The following PDE4D variants were observed in gnomAD, a reference collection of about 807,000 sequenced individuals.
PDE4D encodes 3',5'-cyclic-AMP phosphodiesterase 4D.
A neutral mutation model predicts 87.4 loss-of-function variants in PDE4D; 24 were observed. That is an observed-to-expected ratio of 0.27 (90% confidence interval 0.20 to 0.39). The LOEUF (loss-of-function observed/expected upper bound fraction) is 0.39. Among genes scored for constraint, PDE4D ranks in the 10% least tolerant of loss-of-function variants. PDE4D has a pLI of 1.00. For missense variants in PDE4D, 714 were observed against 1,041.0 expected, an observed-to-expected ratio of 0.69 and a Z score of 4.32; for synonymous variants, 384 against 383.2, an observed-to-expected ratio of 1.00 and a Z score of -0.02.
intron 1 of PDE4D, among the ~76,000 whole-genome samples, chr5:60,369,392 C>A (rs1227979082): frequency 6.6e-6 from 1 of 152,116 alleles, no homozygotes; most frequent in Non-Finnish European, 1.5e-5. Context: ...ACTTCCACGT[C>A]TTTATTTCCC....
chr5:60,334,673 C>T (rs1444765213), intron 1 of PDE4D, among the ~76,000 whole-genome samples: 1 of 151,686 alleles, frequency 6.6e-6, no homozygotes, highest in Non-Finnish European at 1.5e-5. Context: ...AGCCACTGCC[C>T]CCGAGAGCTG....
At chr5:59,631,539 G>A (rs1442217905) in intron 1 of PDE4D, among the ~76,000 whole-genome samples, 1 of 152,056 alleles carries the variant, frequency 6.6e-6, no homozygotes, top group East Asian at 1.9e-4. Flanking sequence ...ATTTCCAACT[G>A]AGGTACCCAG....
intron 1 of PDE4D, among the ~76,000 whole-genome samples, chr5:59,790,535 G>C (rs1765665085): frequency 6.6e-6 from 1 of 152,170 alleles, no homozygotes; most frequent in Non-Finnish European, 1.5e-5. Flanking sequence ...GTGCTCTGAT[G>C]CCCAAAGTGA....
At chr5:59,715,736 C>A (rs538693897) in intron 1 of PDE4D, among the ~76,000 whole-genome samples, 1 of 152,186 alleles carries the variant, frequency 6.6e-6, no homozygotes, top group Non-Finnish European at 1.5e-5. Context: ...AGGATGGAAA[C>A]GGATGGTAAC....
chr5:59,136,027 T>TAAA lies in PDE4D; in HGVS notation c.808+44565_808+44567dup, dbSNP rs35078554. Among the ~76,000 whole-genome samples, 1,973 of 149,362 alleles carry TAAA rather than the reference T, an allele frequency of 0.013. 273 individuals carry two copies. In the East Asian group the frequency reaches 0.32, roughly 24 times the overall value. On this transcript the variant is annotated intron_variant, in intron 5 of 14. Transcript: ENST00000340635. Reference sequence around the variant, plus strand: ...TCAAATATTTTAAAAGACTAAATGATAAAAAAAAAAAACCCTAAACAAATT... The same window carrying TAAA: ...TCAAATATTTTAAAAGACTAAATGATAAAAAAAAAAAAAAACCCTAAACAAATT...
At chr5:59,520,581 G>A (rs945529956) in intron 1 of PDE4D, among the ~76,000 whole-genome samples, 45 of 152,036 alleles carry the variant, frequency 3.0e-4, no homozygotes, top group Non-Finnish European at 4.6e-4. Context: ...TGGATTTCAC[G>A]TGAAAGAAGT....
chr5:59,974,763 T>C (rs1761132154), intron 3 of PDE4D, among the ~76,000 whole-genome samples: 1 of 152,198 alleles, frequency 6.6e-6, no homozygotes, highest in Non-Finnish European at 1.5e-5. Context: ...CCCTGTGTTC[T>C]TTCAACTTCT....
intron 5 of PDE4D, among the ~76,000 whole-genome samples, chr5:59,072,093 T>C (rs753901878): frequency 3.3e-5 from 5 of 152,228 alleles, no homozygotes; most frequent in Non-Finnish European, 7.3e-5. Context: ...TATTTAAGGC[T>C]AGAGTACTAA....
At chr5:59,628,755 C>T (rs1057451890) in intron 1 of PDE4D, among the ~76,000 whole-genome samples, 2 of 152,128 alleles carry the variant, frequency 1.3e-5, no homozygotes, top group African/African-American at 4.8e-5. Context: ...GGGCAAGGGA[C>T]TGTGTGTGCT....
chr5:59,811,542 A>G (rs765044475), intron 1 of PDE4D, among the ~76,000 whole-genome samples: 10 of 152,202 alleles, frequency 6.6e-5, no homozygotes, highest in Non-Finnish European at 1.2e-4. Flanking sequence ...AAATGATTTC[A>G]TGTCCTACTT....
chr5:59,168,273 T>C (rs577374115), intron 5 of PDE4D, among the ~76,000 whole-genome samples: 30 of 152,300 alleles, frequency 2.0e-4, no homozygotes, highest in African/African-American at 6.5e-4. Context: ...TTCCCAGTAG[T>C]TGGGGCCTGC....
intron 1 of PDE4D, among the ~76,000 whole-genome samples, chr5:59,291,558 T>A (rs1215293015): frequency 6.6e-6 from 1 of 151,974 alleles, no homozygotes; most frequent in Non-Finnish European, 1.5e-5. Context: ...GTATGTTTTT[T>A]AAGCAATTAT....
intron 1 of PDE4D, among the ~76,000 whole-genome samples, chr5:59,638,785 A>G (rs1269820535): frequency 5.9e-5 from 9 of 152,176 alleles, no homozygotes; most frequent in Non-Finnish European, 1.5e-5. Flanking sequence ...TTTATATAAA[A>G]GATTCTACAA....
chr5:59,371,572 T>A (rs1179690447), intron 1 of PDE4D, among the ~76,000 whole-genome samples: 1 of 152,218 alleles, frequency 6.6e-6, no homozygotes, highest in Non-Finnish European at 1.5e-5. Flanking sequence ...ACTGCGATGT[T>A]AAACTACCAC....
chr5:60,424,957 C>A (rs1169008154), intron 1 of PDE4D, among the ~76,000 whole-genome samples: 1 of 152,056 alleles, frequency 6.6e-6, no homozygotes, highest in East Asian at 1.9e-4. Context: ...AATAAAATAC[C>A]TAGGAATCCA....
intron 1 of PDE4D, among the ~76,000 whole-genome samples, chr5:59,511,100 T>C (rs1810216097): frequency 6.6e-6 from 1 of 151,940 alleles, no homozygotes; most frequent in South Asian, 2.1e-4. Context: ...TTTGACCTAG[T>C]AATCCCAGTT....
chr5:60,475,740 A>G (rs2150204764), intron 1 of PDE4D, among the ~76,000 whole-genome samples: 1 of 150,566 alleles, frequency 6.6e-6, no homozygotes, highest in Non-Finnish European at 1.5e-5. Flanking sequence ...ACCAGAGCTA[A>G]TCTTGTAATA....
chr5:59,658,686 CAA>C (rs1258162719), intron 1 of PDE4D, among the ~76,000 whole-genome samples: 6 of 152,128 alleles, frequency 3.9e-5, no homozygotes, highest in Non-Finnish European at 8.8e-5. Context: ...TTAAAATGAG[CAA>C]TTGGGTGTTT....
At chr5:59,623,485 T>C (rs1159297897) in intron 1 of PDE4D, among the ~76,000 whole-genome samples, 11 of 152,196 alleles carry the variant, frequency 7.2e-5, no homozygotes. Context: ...TGCATCCCAG[T>C]GCTTGGAGCT....
Sources: gnomAD v4.1 joint callset for allele counts (sites outside exome capture counted in the v4.1 genomes callset) on GRCh38, gnomAD v4.1.1 for gene constraint, MANE v1.5 for transcripts, NCBI Gene and HGNC (gene_info 2026-07-23, HGNC 2026-07-21) for gene names.